Variants in MACROD2 observed in about 807,000 individuals in gnomAD.
The protein encoded by MACROD2 is mono-ADP ribosylhydrolase 2.
Under a neutral mutation model 70.4 loss-of-function variants are expected in MACROD2, and 36 were observed. The observed-to-expected ratio is 0.51, with a 90% confidence interval of 0.39 to 0.68. The LOEUF (loss-of-function observed/expected upper bound fraction) is 0.68. MACROD2 is among the 30% of genes least tolerant of loss of function. MACROD2 has a pLI of 0.00. For synonymous variants in MACROD2, 172 were observed against 178.8 expected (o/e 0.96, Z 0.30); for missense variants, 496 against 538.4 (o/e 0.92, Z 0.78).
intron 4 of MACROD2, chr20:14,547,299 G>T: frequency 3.3e-6 from 1 of 305,450 alleles, no homozygotes; most frequent in Non-Finnish European, 6.0e-6. Flanking sequence ...AAATGTGCAT[G>T]CATGGCAGAA....
intron 8 of MACROD2, among the ~76,000 whole-genome samples, chr20:15,571,768 A>G (rs1200405557): frequency 6.6e-6 from 1 of 152,154 alleles, no homozygotes; most frequent in Non-Finnish European, 1.5e-5. Flanking sequence ...GTATATTCTT[A>G]GAGAACTAAT....
At chr20:15,052,670 G>A (rs2075452047) in intron 5 of MACROD2, among the ~76,000 whole-genome samples, 1 of 152,086 alleles carries the variant, frequency 6.6e-6, no homozygotes, top group African/African-American at 2.4e-5. Flanking sequence ...TATTCCCTGA[G>A]ACATGACAAT....
At chr20:15,059,701 A>C (rs566143145) in intron 5 of MACROD2, among the ~76,000 whole-genome samples, 6 of 152,312 alleles carry the variant, frequency 3.9e-5, no homozygotes, top group African/African-American at 1.2e-4. Flanking sequence ...ATTTTTACCC[A>C]ACATATAGGA....
At position 14,723,724 on chromosome 20, in the gene MACROD2, C is replaced by T. The variant is rs997061460; in HGVS notation, c.418+38765C>T. ...ATAATTATTTCTATTTGGTGCTATT[C>T]GGCTTTTCACAAAAATTATGTATCT... On this transcript the variant is annotated intron_variant, in intron 5 of 17. Transcript: ENST00000684519. Among the ~76,000 whole-genome samples, 8 of 151,666 alleles carry T rather than the reference C, an allele frequency of 5.3e-5. No individual in the cohort carries two copies. In the South Asian group the frequency reaches 6.2e-4, roughly 12 times the overall value.
At chr20:15,225,615 G>T (rs1334315171) in intron 5 of MACROD2, among the ~76,000 whole-genome samples, 1 of 152,124 alleles carries the variant, frequency 6.6e-6, no homozygotes, top group African/African-American at 2.4e-5. Flanking sequence ...TAACACTAAT[G>T]TTAGTGTGCT....
intron 6 of MACROD2, among the ~76,000 whole-genome samples, chr20:15,277,707 T>C (rs575774083): frequency 3.9e-5 from 6 of 152,298 alleles, no homozygotes; most frequent in African/African-American, 1.4e-4. Flanking sequence ...ATAATATGAT[T>C]GAATACAGCT....
At chr20:15,398,975 G>A (rs900965138) in intron 6 of MACROD2, among the ~76,000 whole-genome samples, 4 of 152,076 alleles carry the variant, frequency 2.6e-5, no homozygotes, top group African/African-American at 9.7e-5. Context: ...GAGCCACTGT[G>A]TCCAGCTTCA....
At chr20:15,286,734 A>G (rs1332684910) in intron 6 of MACROD2, among the ~76,000 whole-genome samples, 2 of 152,174 alleles carry the variant, frequency 1.3e-5, no homozygotes, top group Non-Finnish European at 2.9e-5. Flanking sequence ...GATTGAGATC[A>G]TCTAAGTAGA....
intron 10 of MACROD2, among the ~76,000 whole-genome samples, chr20:15,924,087 T>C (rs547489817): frequency 8.0e-4 from 122 of 152,324 alleles, no homozygotes; most frequent in African/African-American, 2.9e-3. Flanking sequence ...GGGAAACCCA[T>C]ATATTGCTTT....
intron 5 of MACROD2, among the ~76,000 whole-genome samples, chr20:14,986,787 G>A (rs369069333): frequency 1.3e-5 from 2 of 152,134 alleles, no homozygotes; most frequent in African/African-American, 2.4e-5. Flanking sequence ...TTTCAGGTTC[G>A]CCTTCTCTCC....
chr20:15,268,054 G>C (rs2077312521), intron 6 of MACROD2, among the ~76,000 whole-genome samples: 1 of 152,188 alleles, frequency 6.6e-6, no homozygotes, highest in Non-Finnish European at 1.5e-5. Context: ...AACATCAGTA[G>C]GTGGCAGATG....
intron 8 of MACROD2, among the ~76,000 whole-genome samples, chr20:15,510,275 G>A (rs6043337): frequency 0.034 from 5,241 of 152,222 alleles, 314 homozygotes; most frequent in African/African-American, 0.12. Flanking sequence ...AACACTGGGA[G>A]GTCCTACTGA....
intron 4 of MACROD2, among the ~76,000 whole-genome samples, chr20:14,636,194 GT>G (rs1269111753): frequency 6.6e-6 from 1 of 152,054 alleles, no homozygotes; most frequent in African/African-American, 2.4e-5. Context: ...TGGAATAGGA[GT>G]TTAGCTTCAT....
chr20:15,093,318 T>C (rs950218398), intron 5 of MACROD2, among the ~76,000 whole-genome samples: 4 of 152,200 alleles, frequency 2.6e-5, no homozygotes, highest in African/African-American at 9.6e-5. Flanking sequence ...ATGACCATTT[T>C]TCCATGAAAC....
chr20:15,157,146 A>G (rs2076312109), intron 5 of MACROD2, among the ~76,000 whole-genome samples: 1 of 152,128 alleles, frequency 6.6e-6, no homozygotes, highest in African/African-American at 2.4e-5. Flanking sequence ...TTTATTTTTC[A>G]GGGTTCTGGA....
chr20:14,509,857 T>G (rs1255172014), intron 4 of MACROD2, among the ~76,000 whole-genome samples: 1 of 152,044 alleles, frequency 6.6e-6, no homozygotes. Context: ...CTTCAGAACT[T>G]CTACTGATTA....
rs547521401 is a variant in MACROD2, at chr20:15,916,517, A to G, written c.776-16759A>G. On this transcript the variant is annotated intron_variant, in intron 10 of 17. Coordinates refer to ENST00000684519, the MANE Select transcript of MACROD2 (RefSeq NM_001351661.2). ...GAGGAATCTCTATGAATTTGTGGGC[A>G]TATTTTTAAAACCACCATCATCCCA... Among the ~76,000 whole-genome samples, 121 of 152,326 alleles carry G rather than the reference A, an allele frequency of 7.9e-4. 1 individual carries two copies. The highest frequency in any genetic ancestry group is 2.8e-3 in the African/African-American group (118 of 41,576).
intron 3 of MACROD2, among the ~76,000 whole-genome samples, chr20:14,424,603 G>A (rs972115525): frequency 2.0e-5 from 3 of 152,130 alleles, no homozygotes; most frequent in African/African-American, 7.2e-5. Context: ...TTTGTGTACT[G>A]GACTGCTGTG....
chr20:14,801,226 CTGA>C (rs2072571644), intron 5 of MACROD2, among the ~76,000 whole-genome samples: 1 of 152,156 alleles, frequency 6.6e-6, no homozygotes, highest in Admixed American at 6.5e-5. Flanking sequence ...GGCTGATAGG[CTGA>C]TAAGCCGTTT....
Sources: gnomAD v4.1 joint callset for allele counts (sites outside exome capture counted in the v4.1 genomes callset) on GRCh38, gnomAD v4.1.1 for gene constraint, MANE v1.5 for transcripts, NCBI Gene and HGNC (gene_info 2026-07-23, HGNC 2026-07-21) for gene names.